The following RERGL variants were observed in gnomAD, a reference collection of about 807,000 sequenced individuals.
The protein encoded by RERGL is ras-related and estrogen-regulated growth inhibitor-like protein.
Under a neutral mutation model 24.7 loss-of-function variants are expected in RERGL, and 22 were observed. That is an observed-to-expected ratio of 0.89 (90% CI 0.64 to 1.27). RERGL has a LOEUF of 1.27. RERGL is among the 50% of genes most tolerant of loss of function. The pLI, the probability that RERGL is intolerant of heterozygous loss-of-function variation, is 0.00. For missense variants in RERGL, 259 were observed against 235.3 expected (o/e 1.10, Z -0.66); for synonymous variants, 76 against 82.6 (o/e 0.92, Z 0.43).
intron 1 of RERGL, chr12:18,089,349 C>T (rs936683264): frequency 5.4e-6 from 8 of 1,468,800 alleles, no homozygotes; most frequent in Middle Eastern, 2.1e-4. Context: ...CACAAAGACA[C>T]TACCAAGTAT....
chr12:18,085,478 ATAAT>A (rs1408063929), intron 3 of RERGL, 138 bp downstream of exon 3: 6 of 600,598 alleles, frequency 1.0e-5, no homozygotes, highest in Non-Finnish European at 1.7e-5. Context: ...TAAATTTTTG[ATAAT>A]TAAAATGAGA....
Sources: allele counts gnomAD v4.1 joint callset, GRCh38; gene constraint gnomAD v4.1.1; transcripts MANE v1.5; gene names NCBI Gene and HGNC (gene_info 2026-07-23, HGNC 2026-07-21).